The following IGSF21 variants were observed in gnomAD, a reference collection of about 807,000 sequenced individuals.
IGSF21 encodes the protein immunoglobulin superfamily member 21.
A neutral mutation model predicts 46.8 loss-of-function variants in IGSF21; 28 were observed. That is an observed-to-expected ratio of 0.60 (90% confidence interval 0.44 to 0.82). The LOEUF (loss-of-function observed/expected upper bound fraction) is 0.82. Among genes scored for constraint, IGSF21 ranks in the 40% least tolerant of loss-of-function variants. The pLI, the probability that IGSF21 is intolerant of heterozygous loss-of-function variation, is 0.00. For missense variants in IGSF21, 624 were observed against 665.5 expected, an observed-to-expected ratio of 0.94 and a Z score of 0.69; for synonymous variants, 284 against 273.6, an observed-to-expected ratio of 1.04 and a Z score of -0.38.
intron 1 of IGSF21, among the ~76,000 whole-genome samples, chr1:18,203,889 T>A (rs779317722): frequency 1.3e-5 from 2 of 152,212 alleles, no homozygotes; most frequent in Non-Finnish European, 2.9e-5. Context: ...TCATTTAAAA[T>A]GTAACTATTT....
chr1:18,150,598 G>A (rs952286917), intron 1 of IGSF21, among the ~76,000 whole-genome samples: 7 of 152,262 alleles, frequency 4.6e-5, no homozygotes, highest in East Asian at 1.9e-4. Flanking sequence ...AGGCGAGACC[G>A]GTAACTTCAT....
intron 1 of IGSF21, among the ~76,000 whole-genome samples, chr1:18,206,721 C>A (rs1184606342): frequency 2.0e-5 from 3 of 152,130 alleles, no homozygotes; most frequent in Non-Finnish European, 4.4e-5. Flanking sequence ...GGGTGCCTCA[C>A]CGCACAGGCT....
chr1:18,324,512 G>A lies in IGSF21; in HGVS notation c.306-10380G>A, dbSNP rs72938714. On this transcript the variant is annotated intron_variant, in intron 3 of 9. Transcript: ENST00000251296. The stretch of plus-strand genomic sequence containing the variant: ...ACGGATCACCTGGTCCAGGTGGCCC[G>A]GCCGCTTCTTCCCAGATCTGCTGCT... Among the ~76,000 whole-genome samples the A allele has an allele frequency of 3.6e-3, 542 of 152,294 alleles. 4 individuals carry two copies. Among genetic ancestry groups the A allele is most frequent in the East Asian group, 0.017 (89 of 5,160 alleles).
At chr1:18,148,740 C>T (rs1195690253) in intron 1 of IGSF21, among the ~76,000 whole-genome samples, 1 of 152,124 alleles carries the variant, frequency 6.6e-6, no homozygotes, top group Non-Finnish European at 1.5e-5. Context: ...AAGCATAGAC[C>T]CTGCCCTCAG....
chr1:18,113,029 A>T (rs2086156813), intron 1 of IGSF21: 1 of 152,142 alleles, frequency 6.6e-6, no homozygotes, highest in African/African-American at 2.4e-5. Flanking sequence ...TTTTAAATAA[A>T]AGGAGGTTCA....
chr1:18,239,368 G>A (rs1340984430), intron 2 of IGSF21, among the ~76,000 whole-genome samples: 1 of 152,016 alleles, frequency 6.6e-6, no homozygotes, highest in Non-Finnish European at 1.5e-5. Flanking sequence ...AGCTCCCACA[G>A]GGCAGGCAGT....
intron 3 of IGSF21, among the ~76,000 whole-genome samples, chr1:18,293,495 G>C (rs79171961): frequency 1.3e-5 from 2 of 152,156 alleles, no homozygotes; most frequent in African/African-American, 2.4e-5. Context: ...GAATGTGGAC[G>C]TGAAGGTGTG....
At chr1:18,358,992 A>G (rs765459875) in intron 4 of IGSF21, among the ~76,000 whole-genome samples, 18 of 152,168 alleles carry the variant, frequency 1.2e-4, no homozygotes, top group Non-Finnish European at 2.4e-4. Context: ...AGCCAGGCAT[A>G]GTGGCTCACA....
chr1:18,136,455 C>T (rs1479561881), intron 1 of IGSF21, among the ~76,000 whole-genome samples: 2 of 152,196 alleles, frequency 1.3e-5, no homozygotes, highest in Non-Finnish European at 1.5e-5. Context: ...AGGAAGGGAT[C>T]CAGTTTCAGC....
chr1:18,146,667 T>C (rs563384116), intron 1 of IGSF21, among the ~76,000 whole-genome samples: 1 of 152,170 alleles, frequency 6.6e-6, no homozygotes, highest in Non-Finnish European at 1.5e-5. Context: ...CAAACTGGAA[T>C]TGGTTTCTGG....
intron 1 of IGSF21, among the ~76,000 whole-genome samples, chr1:18,213,617 G>A (rs1255970896): frequency 1.3e-5 from 2 of 152,300 alleles, no homozygotes; most frequent in South Asian, 4.1e-4. Context: ...GAGTAGCTAG[G>A]AGGGAAAGGA....
intron 1 of IGSF21, among the ~76,000 whole-genome samples, chr1:18,206,499 T>C (rs1193686128): frequency 6.7e-6 from 1 of 148,786 alleles, no homozygotes; most frequent in Non-Finnish European, 1.5e-5. Flanking sequence ...CGGCGAGCCA[T>C]GATCGCACCA....
chr1:18,319,770 A>G (rs537704267), intron 3 of IGSF21, among the ~76,000 whole-genome samples: 1 of 152,172 alleles, frequency 6.6e-6, no homozygotes, highest in South Asian at 2.1e-4. Flanking sequence ...ACCTCCCAGC[A>G]ATTTCAAATT....
chr1:18,313,853 G>T (rs1279906530), intron 3 of IGSF21, among the ~76,000 whole-genome samples: 1 of 152,144 alleles, frequency 6.6e-6, no homozygotes, highest in Non-Finnish European at 1.5e-5. Context: ...TGCAGTGCTG[G>T]GACCCAGAGC....
chr1:18,176,645 C>T (rs2086800770), intron 1 of IGSF21, among the ~76,000 whole-genome samples: 1 of 152,198 alleles, frequency 6.6e-6, no homozygotes, highest in African/African-American at 2.4e-5. Flanking sequence ...TATCTGCGCC[C>T]CTGACCCTGT....
intron 2 of IGSF21, among the ~76,000 whole-genome samples, chr1:18,244,467 G>C (rs777366282): frequency 5.9e-5 from 9 of 152,226 alleles, no homozygotes; most frequent in African/African-American, 2.2e-4. Context: ...GTGTCTGAAA[G>C]CTCGTGAAGG....
At chr1:18,190,821 TCTCGGC>T (rs755985827) in intron 1 of IGSF21, among the ~76,000 whole-genome samples, 6 of 152,202 alleles carry the variant, frequency 3.9e-5, no homozygotes, top group Admixed American at 2.6e-4. Context: ...CACAGTGCTT[TCTCGGC>T]TGGGCCTAAT....
At chr1:18,247,808 T>A (rs1318798441) in intron 2 of IGSF21, among the ~76,000 whole-genome samples, 1 of 152,154 alleles carries the variant, frequency 6.6e-6, no homozygotes, top group African/African-American at 2.4e-5. Flanking sequence ...CCCCATTCTA[T>A]AGATGAGGAG....
intron 2 of IGSF21, among the ~76,000 whole-genome samples, chr1:18,248,036 G>A (rs191631588): frequency 6.6e-6 from 1 of 151,866 alleles, no homozygotes; most frequent in East Asian, 1.9e-4. Flanking sequence ...AAATTCCAGG[G>A]ATTAAAGCAT....
Sources: allele counts gnomAD v4.1 joint callset (sites outside exome capture counted in the v4.1 genomes callset), GRCh38; gene constraint gnomAD v4.1.1; transcripts MANE v1.5; gene names NCBI Gene and HGNC (gene_info 2026-07-23, HGNC 2026-07-21).